The following ENPEP variants were observed in gnomAD, a reference collection of about 807,000 sequenced individuals.
The protein encoded by ENPEP is AP-A.
Under a neutral mutation model 114.5 loss-of-function variants are expected in ENPEP, and 103 were observed. The ratio of observed to expected loss-of-function variants is 0.90; its 90% CI spans 0.77 to 1.06. ENPEP has a LOEUF of 1.06. ENPEP is among the 50% of genes least tolerant of loss of function. The pLI is 0.00. For synonymous variants in ENPEP, 420 were observed against 422.0 expected, an observed-to-expected ratio of 1.00 and a Z score of 0.06; for missense variants, 1,196 against 1,161.3, an observed-to-expected ratio of 1.03 and a Z score of -0.43.
chr4:110,492,517 C>T (rs1724764357), intron 3 of ENPEP, among the ~76,000 whole-genome samples: 1 of 152,174 alleles, frequency 6.6e-6, no homozygotes, highest in Non-Finnish European at 1.5e-5. Flanking sequence ...GCTGCCTATA[C>T]CGTATACAAA....
At chr4:110,500,431 T>A (rs1490579529) in intron 3 of ENPEP, among the ~76,000 whole-genome samples, 1 of 152,182 alleles carries the variant, frequency 6.6e-6, no homozygotes, top group African/African-American at 2.4e-5. Context: ...ACTAATGGTA[T>A]CCAACAGTAG....
At position 110,561,474 on chromosome 4, in the gene ENPEP, A is replaced by G. The variant is rs1560573365; in HGVS notation, c.2790A>G (p.Glu930=). Residue 930 remains glutamate (E), a synonymous_variant, in exon 20 of 20, where the codon GAA becomes GAG. Coordinates refer to ENST00000265162, the MANE Select transcript of ENPEP (RefSeq NM_001977.4). ...AGEKPREQVL[E]TVKNNIEWLK... is the part of the protein sequence containing the mutation. ...AAAAACCTAGGGAACAAGTGCTGGAAACAGTGAAAAACAATATAGAGTGGC... is the reference window on the plus strand; with the variant it reads ...AAAAACCTAGGGAACAAGTGCTGGAGACAGTGAAAAACAATATAGAGTGGC... 22 of 1,614,104 alleles carry G rather than the reference A, an allele frequency of 1.4e-5. No homozygotes were observed. Among genetic ancestry groups the G allele is most frequent in the Non-Finnish European group, 1.9e-5 (22 of 1,179,974 alleles).
chr4:110,492,460 G>A (rs1467390375), intron 3 of ENPEP, among the ~76,000 whole-genome samples: 1 of 152,198 alleles, frequency 6.6e-6, no homozygotes, highest in Non-Finnish European at 1.5e-5. Flanking sequence ...TTGCTTTGGT[G>A]TGGTAGGAGT....
chr4:110,484,979 G>A (rs1361643636), intron 1 of ENPEP, among the ~76,000 whole-genome samples: 1 of 151,988 alleles, frequency 6.6e-6, no homozygotes, highest in Non-Finnish European at 1.5e-5. Flanking sequence ...GCCTATTTCT[G>A]AGGTGTGACT....
rs1287061413 is a variant in ENPEP, at chr4:110,563,061, T to G, written c.*1503T>G. On this transcript the variant is annotated 3_prime_UTR_variant, in exon 20 of 20. Coordinates refer to ENST00000265162, the MANE Select transcript of ENPEP (RefSeq NM_001977.4). ...GGTGGCAGATATAGAAGAAGAAATT[T>G]CCAGACCAAAAAATATTAAATATTA... is the stretch of plus-strand genomic sequence containing the variant. The G allele has an allele frequency of 6.6e-6, 1 of 152,062 alleles. No homozygotes were observed. Among genetic ancestry groups the G allele is most frequent in the East Asian group, 1.9e-4 (1 of 5,194 alleles). The allele number at this position is 152,062 out of a possible 1,614,324, so 9.4% of individuals were successfully genotyped here.
chr4:110,538,185 T>C (rs1178451886), intron 11 of ENPEP, among the ~76,000 whole-genome samples: 3 of 152,236 alleles, frequency 2.0e-5, no homozygotes, highest in Non-Finnish European at 2.9e-5. Flanking sequence ...TTGACTTCTC[T>C]CTAGCTGTGA....
intron 10 of ENPEP, among the ~76,000 whole-genome samples, chr4:110,528,184 A>C (rs1255478891): frequency 2.0e-5 from 3 of 152,182 alleles, no homozygotes; most frequent in East Asian, 3.8e-4. Flanking sequence ...GCTTATCATA[A>C]AGTTAATATG....
At position 110,549,801 on chromosome 4, in the gene ENPEP, C is replaced by A; in HGVS notation, c.2416C>A (p.Gln806Lys). 6.2e-7 allele frequency: 1 copy of A among 1,613,362 alleles called. No homozygotes were observed. The highest frequency in any genetic ancestry group is 8.5e-7 in the Non-Finnish European group (1 of 1,179,562). The change falls in exon 17 of 20, where the codon CAA becomes AAA. Residue 806 changes from glutamine to lysine, a missense_variant. Transcript: ENST00000265162. ...GATTTCATGGAACTACACTCTTGAGCAATACCAGAAAACTTCATTAGCTCA... is the reference window on the plus strand; with the variant it reads ...GATTTCATGGAACTACACTCTTGAGAAATACCAGAAAACTTCATTAGCTCA... ...NEISWNYTLE[Q>K]YQKTSLAQEK...
At chr4:110,505,971 G>A (rs1386931683) in intron 3 of ENPEP, among the ~76,000 whole-genome samples, 1 of 152,214 alleles carries the variant, frequency 6.6e-6, no homozygotes, top group Non-Finnish European at 1.5e-5. Context: ...ATGTCATAAG[G>A]ACACAAAGTA....
intron 18 of ENPEP, 100 bp from the exon 19 acceptor site, chr4:110,559,547 C>T (rs1192629588): frequency 1.2e-6 from 1 of 854,822 alleles, no homozygotes. Context: ...TTGAAAGTTA[C>T]TTTTAAAAAC....
chr4:110,551,019 C>T lies in ENPEP; in HGVS notation c.2501+1133C>T, dbSNP rs148159839. Reference sequence around the variant, plus strand: ...CTATAATCCCAGCACTTTGGGAGGCCGAGGCAGGAGGTTTTCTTGAGCCCA... The same window carrying T: ...CTATAATCCCAGCACTTTGGGAGGCTGAGGCAGGAGGTTTTCTTGAGCCCA... On this transcript the variant is annotated intron_variant, in intron 17 of 19. Transcript: ENST00000265162. 8.7e-3 allele frequency among the ~76,000 whole-genome samples: 1,317 copies of T among 150,582 alleles called. 19 individuals carry two copies. The highest frequency in any genetic ancestry group is 0.031 in the African/African-American group (1,262 of 40,988).
rs2110362810 is a variant in ENPEP at position 110,519,912 on chromosome 4, G to A, written c.1510-96G>A. 5 of 1,060,712 alleles carry A rather than the reference G, an allele frequency of 4.7e-6. No individual in the cohort carries two copies. In the South Asian group the frequency reaches 7.3e-5, roughly 15 times the overall value. The allele number at this position is 1,060,712 out of a possible 1,614,324, so 65.7% of individuals were successfully genotyped here. A position where few individuals can be genotyped will look rare whatever the true frequency, so the allele number is the denominator to read the frequency against. ...TATCTATGGCTGGTTTTGCGCAATG[G>A]AGGTAGAATTGAGTAGCAGGGGTTC... On this transcript the variant is annotated intron_variant, in intron 8 of 19. Transcript: ENST00000265162.
rs776014593 is a variant in ENPEP at position 110,520,251 on chromosome 4, T to C, written c.1612T>C (p.Trp538Arg). The change falls in exon 10 of 20, where the codon TGG becomes CGG. Residue 538 changes from tryptophan (W) to arginine (R), a missense_variant. Coordinates refer to ENST00000265162, the MANE Select transcript of ENPEP (RefSeq NM_001977.4). ...ACCAGTGAAAGAAGTAATGGACACC[T>C]GGACCAGACAGATGGGTTATCCTGT... is the stretch of plus-strand genomic sequence containing the variant. ...RLPVKEVMDTWTRQMGYPVLN... is the reference protein window; with the variant it reads ...RLPVKEVMDTRTRQMGYPVLN... 2.5e-6 allele frequency: 4 copies of C among 1,613,994 alleles called. No homozygotes were observed. In the African/African-American group the frequency reaches 4.0e-5, roughly 16 times the overall value.
chr4:110,543,726 AG>A (rs1380862582), intron 13 of ENPEP, among the ~76,000 whole-genome samples: 1 of 151,944 alleles, frequency 6.6e-6, no homozygotes, highest in African/African-American at 2.4e-5. Flanking sequence ...GCAGAAGCTG[AG>A]GACACAGCCA....
intron 17 of ENPEP, among the ~76,000 whole-genome samples, chr4:110,551,675 G>A (rs1239852793): frequency 6.6e-6 from 1 of 152,176 alleles, no homozygotes; most frequent in African/African-American, 2.4e-5. Flanking sequence ...ACACTGCTGA[G>A]TGATGAGCCA....
intron 15 of ENPEP, 46 bp from the exon 16 acceptor site, chr4:110,549,482 T>TTAAGACTTAA: frequency 6.2e-7 from 1 of 1,612,846 alleles, no homozygotes; most frequent in South Asian, 1.1e-5. Flanking sequence ...TAAGACTTGT[T>TTAAGACTTAA]GAAAAGTGCT....
rs1453501202 is a variant in ENPEP, at chr4:110,561,819, AAT to A, written c.*263_*264del. Reference sequence around the variant, plus strand: ...ATTCTTTACAAACTGAAGATAATGAAATAGTTATTTTAATACCTTTAAATATC... The same window carrying A: ...ATTCTTTACAAACTGAAGATAATGAAAGTTATTTTAATACCTTTAAATATC... On this transcript the variant is annotated 3_prime_UTR_variant, in exon 20 of 20. Transcript: ENST00000265162. The A allele has an allele frequency of 1.9e-5, 5 of 269,676 alleles. No individual in the cohort carries two copies. The highest frequency in any genetic ancestry group is 1.1e-4 in the African/African-American group (5 of 45,122). The allele number at this position is 269,676 out of a possible 1,614,324, so 16.7% of individuals were successfully genotyped here.
At chr4:110,521,262 C>T (rs1725977298) in intron 10 of ENPEP, among the ~76,000 whole-genome samples, 1 of 152,082 alleles carries the variant, frequency 6.6e-6, no homozygotes, top group East Asian at 1.9e-4. Flanking sequence ...CCTAGCTAGT[C>T]AGGAGGCTGA....
intron 18 of ENPEP, among the ~76,000 whole-genome samples, chr4:110,553,959 AG>A (rs1727383537): frequency 6.6e-6 from 1 of 152,022 alleles, no homozygotes; most frequent in Non-Finnish European, 1.5e-5. Flanking sequence ...CCTAGGCAAT[AG>A]AACTTTTAAA....
Sources: allele counts gnomAD v4.1 joint callset (sites outside exome capture counted in the v4.1 genomes callset), GRCh38; gene constraint gnomAD v4.1.1; transcripts MANE v1.5; gene names NCBI Gene and HGNC (gene_info 2026-07-23, HGNC 2026-07-21).